The following ZNF517 variants were observed in gnomAD, a reference collection of about 807,000 sequenced individuals.
ZNF517 encodes zinc finger protein 517.
ZNF517 carries 12 observed loss-of-function variants against 12.1 expected under a neutral mutation model. The observed-to-expected ratio is 0.99, with a 90% CI of 0.63 to 1.61. The LOEUF is 1.61. ZNF517 is among the 40% of genes most tolerant of loss of function. ZNF517 has a pLI of 0.00. For synonymous variants in ZNF517, 388 were observed against 310.2 expected (o/e 1.25, Z -2.63); for missense variants, 781 against 693.2 (o/e 1.13, Z -1.42).
At position 144,809,400 on chromosome 8, in the gene ZNF517, C is replaced by T. The variant is rs1377359672; in HGVS notation, c.*1005C>T. 2.6e-5 allele frequency: 4 copies of T among 152,198 alleles called. No individual in the cohort carries two copies. The highest frequency in any genetic ancestry group is 2.6e-4 in the Admixed American group (4 of 15,282). The allele number at this position is 152,198 out of a possible 1,614,324, so 9.4% of individuals were successfully genotyped here. A position where few individuals can be genotyped will look rare whatever the true frequency, so the allele number is the denominator to read the frequency against. ...AGTGTGTGAGGATGTTTTCAGTGGA[C>T]TCAGTGAAGATCTGCCCTCAGCGTG... is the stretch of plus-strand genomic sequence containing the variant. On this transcript the variant is annotated 3_prime_UTR_variant, in exon 5 of 5. Transcript: ENST00000359971.
intron 1 of ZNF517, chr8:144,800,836 ACT>A (rs1826924061): frequency 1.5e-5 from 5 of 336,200 alleles, no homozygotes; most frequent in Non-Finnish European, 2.1e-5. Context: ...CTCTAAACGC[ACT>A]CTTTATTTTT....
chr8:144,804,308 G>C, intron 4 of ZNF517, 70 bp downstream of exon 4: 1 of 1,196,460 alleles, frequency 8.4e-7, no homozygotes, highest in Non-Finnish European at 1.2e-6. Flanking sequence ...CAGCTCTGCA[G>C]GTCCCTTCTT....
rs778200269 is a variant in ZNF517 at position 144,807,464 on chromosome 8, G to A, written c.548G>A (p.Gly183Asp). 4.4e-6 allele frequency: 7 copies of A among 1,578,292 alleles called. No individual in the cohort carries two copies. In the African/African-American group the frequency reaches 6.8e-5, roughly 15 times the overall value. Residue 183 changes from glycine (G) to aspartate (D), a missense_variant, in exon 5 of 5, where the codon GGC becomes GAC. Gly to Asp is a moderately conservative substitution (Grantham distance 94). Coordinates refer to ENST00000359971, the MANE Select transcript of ZNF517 (RefSeq NM_213605.3). ...SSAPRYRCVCGKAFRYNSLLL... is the reference protein window; with the variant it reads ...SSAPRYRCVCDKAFRYNSLLL... ...GCCCCCCGCTACAGGTGCGTGTGCG[G>A]CAAGGCGTTCAGATACAACTCGCTG...
chr8:144,800,078 G>T (rs1375864236), intron 1 of ZNF517, among the ~76,000 whole-genome samples: 1 of 152,110 alleles, frequency 6.6e-6, no homozygotes, highest in Non-Finnish European at 1.5e-5. Flanking sequence ...GTAGTGAGCC[G>T]GGTGCCCCAG....
chr8:144,799,297 G>A (rs1035396378), intron 1 of ZNF517, among the ~76,000 whole-genome samples: 14 of 152,204 alleles, frequency 9.2e-5, no homozygotes, highest in African/African-American at 3.4e-4. Context: ...GCTCTTCCCG[G>A]CAGCCTCGCT....
intron 4 of ZNF517, among the ~76,000 whole-genome samples, chr8:144,806,853 G>A (rs1004030472): frequency 6.6e-6 from 1 of 152,144 alleles, no homozygotes; most frequent in Non-Finnish European, 1.5e-5. Flanking sequence ...CAAAGACTCT[G>A]TCTTCACTTG....
chr8:144,803,074 C>A, intron 2 of ZNF517, 127 bp downstream of exon 2: 1 of 1,222,826 alleles, frequency 8.2e-7, no homozygotes, highest in Non-Finnish European at 1.1e-6. Flanking sequence ...GTCTGCAAGC[C>A]GAGGACAGCC....
At position 144,802,837 on chromosome 8, in the gene ZNF517, G is replaced by A. The variant is rs546657883; in HGVS notation, c.-45-33G>A. On this transcript the variant is annotated intron_variant, in intron 1 of 4. Transcript: ENST00000359971. ...GGGGGCTGGAGGGCCTTAGGCCTGG[G>A]CTCTTTCCACTCATGGCTCTATGTT... The A allele has an allele frequency of 7.4e-6, 12 of 1,610,958 alleles. 1 individual carries two copies. The highest frequency in any genetic ancestry group is 1.0e-5 in the Non-Finnish European group (12 of 1,178,930).
In ZNF517 at chr8:144,807,405, G is replaced by T. The variant is rs1279636841; in HGVS notation, c.489G>T (p.Leu163=). 1 of 1,562,182 alleles carries T rather than the reference G, an allele frequency of 6.4e-7. No homozygotes were observed. Among genetic ancestry groups the T allele is most frequent in the Middle Eastern group, 1.7e-4 (1 of 6,006 alleles). ...AGCACAGCGCCTCCCCAAGGGTTCT[G>T]CAGGAAGACCTGGGCCGGCCTGTGG... ...AREHSASPRV[L]QEDLGRPVGS... is the part of the protein sequence containing the mutation. The change falls in exon 5 of 5, where the codon CTG becomes CTT. Residue 163 remains leucine, a synonymous_variant. Transcript: ENST00000359971.
At chr8:144,810,166 G>C (rs1563813033), downstream of ZNF517, 2 of 698,744 alleles carry the variant, frequency 2.9e-6, no homozygotes, top group African/African-American at 3.5e-5. Flanking sequence ...TCAGAAGGTG[G>C]GCCAGGAGAG....
At chr8:144,810,901 G>A (rs963712944), downstream of ZNF517, 2 of 152,640 alleles carry the variant, frequency 1.3e-5, no homozygotes, top group African/African-American at 2.4e-5. Context: ...TGCAGTCCGA[G>A]TGCAGATCCC....
chr8:144,800,762 C>T (rs1826920600), intron 1 of ZNF517: 2 of 927,066 alleles, frequency 2.2e-6, no homozygotes, highest in African/African-American at 1.8e-5. Context: ...CGTACCCTAA[C>T]ATGTCAAAAG....
In ZNF517 at chr8:144,807,662, C is replaced by G; in HGVS notation, c.746C>G (p.Ala249Gly). The G allele has an allele frequency of 6.2e-7, 1 of 1,609,430 alleles. No homozygotes were observed. The highest frequency in any genetic ancestry group is 8.5e-7 in the Non-Finnish European group (1 of 1,179,314). The change falls in exon 5 of 5, where the codon GCT becomes GGT. Residue 249 changes from alanine to glycine, a missense_variant. By Grantham distance (60) the Ala-to-Gly change is moderately conservative. Transcript: ENST00000359971. ...GKAFRQSTQL[A>G]AHHRVHTRER... ...GCCTTCCGGCAGAGCACGCAGCTGG[C>G]TGCCCACCACCGCGTCCACACCCGC...
At chr8:144,801,020 G>A (rs1029526996) in intron 1 of ZNF517, among the ~76,000 whole-genome samples, 4 of 152,120 alleles carry the variant, frequency 2.6e-5, no homozygotes, top group Admixed American at 1.3e-4. Context: ...CGTAGAGAAG[G>A]GTTTCACCAT....
chr8:144,806,141 C>T (rs1827215748), intron 4 of ZNF517, among the ~76,000 whole-genome samples: 2 of 152,222 alleles, frequency 1.3e-5, no homozygotes, highest in South Asian at 2.1e-4. Flanking sequence ...TTCCCTATGG[C>T]CCATGTGCCA....
intron 4 of ZNF517, 42 bp downstream of exon 4, chr8:144,804,280 T>C (rs2130434516): frequency 6.5e-7 from 1 of 1,538,610 alleles, no homozygotes; most frequent in South Asian, 1.2e-5. Context: ...GTGCTGCCAA[T>C]GTGGCCTGGC....
At chr8:144,806,874 C>T (rs1015741338) in intron 4 of ZNF517, among the ~76,000 whole-genome samples, 2 of 152,082 alleles carry the variant, frequency 1.3e-5, no homozygotes, top group African/African-American at 2.4e-5. Flanking sequence ...ATTGTGGTAT[C>T]ATTTCACAGT....
Position 144,808,591 on chromosome 8 carries a change from C to T in ZNF517, c.*196C>T. ...GGGCACCAGGCAGCCCGTGGTGTGGCCTCAGGAACCACTATCAGCCACCAT... is the reference window on the plus strand; with the variant it reads ...GGGCACCAGGCAGCCCGTGGTGTGGTCTCAGGAACCACTATCAGCCACCAT... On this transcript the variant is annotated 3_prime_UTR_variant, in exon 5 of 5. Transcript: ENST00000359971. The T allele has an allele frequency of 1.5e-6, 1 of 685,040 alleles. No homozygotes were observed. Among genetic ancestry groups the T allele is most frequent in the Non-Finnish European group, 2.1e-6 (1 of 474,516 alleles). The allele number at this position is 685,040 out of a possible 1,614,324, so 42.4% of individuals were successfully genotyped here.
At chr8:144,804,316 C>A in intron 4 of ZNF517, 78 bp downstream of exon 4, 1 of 1,037,236 alleles carries the variant, frequency 9.6e-7, no homozygotes, top group Non-Finnish European at 1.4e-6. Context: ...CAGGTCCCTT[C>A]TTCTACAGTG....
Sources: allele counts gnomAD v4.1 joint callset (sites outside exome capture counted in the v4.1 genomes callset), GRCh38; gene constraint gnomAD v4.1.1; transcripts MANE v1.5; gene names NCBI Gene and HGNC (gene_info 2026-07-23, HGNC 2026-07-21).